The following CARMIL1 variants were observed in gnomAD, a reference collection of about 807,000 sequenced individuals.
CARMIL1 encodes F-actin-uncapping protein LRRC16A.
A neutral mutation model predicts 177.1 loss-of-function variants in CARMIL1; 90 were observed. That is an observed-to-expected ratio of 0.51 (90% CI 0.43 to 0.61). The LOEUF (loss-of-function observed/expected upper bound fraction) is 0.61, where lower values mean the gene tolerates loss of function less well. CARMIL1 is among the 20% of genes least tolerant of loss of function. The probability of loss-of-function intolerance (pLI) is 0.00; values close to 1 mark genes in which losing one functional copy is unlikely to be tolerated. For missense variants in CARMIL1, 1,380 were observed against 1,667.0 expected (o/e 0.83, Z 3.00); for synonymous variants, 577 against 606.2 (o/e 0.95, Z 0.71).
At chr6:25,380,491 A>G (rs557237566) in intron 2 of CARMIL1, among the ~76,000 whole-genome samples, 20 of 152,222 alleles carry the variant, frequency 1.3e-4, no homozygotes, top group Non-Finnish European at 2.6e-4. Flanking sequence ...CTTGCCGTCA[A>G]GGAAATAGAA....
chr6:25,451,986 G>GACCCCCCCCC, intron 8 of CARMIL1: 1 of 112,672 alleles, frequency 8.9e-6, no homozygotes, highest in Non-Finnish European at 1.7e-5. Flanking sequence ...CTAGCATCTT[G>GACCCCCCCCC]CCCCCCCCTC....
chr6:25,564,104 G>T (rs1811357939), intron 29 of CARMIL1, among the ~76,000 whole-genome samples: 1 of 152,124 alleles, frequency 6.6e-6, no homozygotes, highest in Admixed American at 6.5e-5. Context: ...TGTGTAAATT[G>T]GGGTGTGACA....
intron 2 of CARMIL1, among the ~76,000 whole-genome samples, chr6:25,397,304 G>C (rs1793502564): frequency 6.6e-6 from 1 of 152,196 alleles, no homozygotes; most frequent in African/African-American, 2.4e-5. Flanking sequence ...GCTGGTGTCT[G>C]CCAAGGGGGC....
At chr6:25,392,364 A>G (rs549725746) in intron 2 of CARMIL1, among the ~76,000 whole-genome samples, 3 of 152,308 alleles carry the variant, frequency 2.0e-5, no homozygotes, top group South Asian at 4.1e-4. Flanking sequence ...CTTTATATCA[A>G]GCAAAAATGT....
At chr6:25,507,163 G>A (rs1804994298) in intron 17 of CARMIL1, among the ~76,000 whole-genome samples, 1 of 152,162 alleles carries the variant, frequency 6.6e-6, no homozygotes, top group Non-Finnish European at 1.5e-5. Flanking sequence ...CATGCAGACA[G>A]CCTCTAATTA....
chr6:25,429,334 G>T (rs878924980), intron 4 of CARMIL1, among the ~76,000 whole-genome samples: 2 of 152,186 alleles, frequency 1.3e-5, no homozygotes, highest in African/African-American at 4.8e-5. Flanking sequence ...CTATCCAAAT[G>T]TGGTACACAT....
chr6:25,324,970 CA>C (rs976699345), intron 2 of CARMIL1, among the ~76,000 whole-genome samples: 2 of 151,598 alleles, frequency 1.3e-5, no homozygotes, highest in African/African-American at 4.8e-5. Flanking sequence ...GACCAGGGGC[CA>C]AGCCATGCAG....
chr6:25,350,251 C>T (rs1787981549), intron 2 of CARMIL1, among the ~76,000 whole-genome samples: 3 of 152,066 alleles, frequency 2.0e-5, no homozygotes, highest in Admixed American at 1.3e-4. Flanking sequence ...TGCTTGTGTC[C>T]CTCAAATACT....
chr6:25,449,783 T>C, intron 5 of CARMIL1, 115 bp from the exon 6 acceptor site: 1 of 585,610 alleles, frequency 1.7e-6, no homozygotes, highest in Middle Eastern at 4.8e-4. Context: ...GAAGAAAAAC[T>C]GAAATTGAAG....
Position 25,515,986 on chromosome 6 carries a change from G to A in CARMIL1, c.1805+139G>A. The stretch of plus-strand genomic sequence containing the variant: ...TGAGGAGAAGAGGTGACAATGTCAA[G>A]ATTTCTGTCAGAATAATGAGGAGGC... On this transcript the variant is annotated intron_variant, in intron 21 of 36. Coordinates refer to ENST00000329474, the MANE Select transcript of CARMIL1 (RefSeq NM_017640.6). The surrounding 1 kb of genome is among the most constrained non-coding windows in gnomAD (Gnocchi z 5.0). 1 of 819,432 alleles carries A rather than the reference G, an allele frequency of 1.2e-6. No individual in the cohort carries two copies. Among genetic ancestry groups the A allele is most frequent in the Non-Finnish European group, 1.8e-6 (1 of 542,132 alleles). 50.8% of individuals were successfully genotyped at this position (819,432 alleles called of 1,614,324 possible). A position where few individuals can be genotyped will look rare whatever the true frequency, so the allele number is the denominator to read the frequency against.
chr6:25,298,755 CTT>C (rs35932044), intron 2 of CARMIL1, among the ~76,000 whole-genome samples: 16 of 133,376 alleles, frequency 1.2e-4, no homozygotes, highest in Non-Finnish European at 1.4e-4. Context: ...GTTATGATTG[CTT>C]TTTTTTTTTT....
intron 2 of CARMIL1, among the ~76,000 whole-genome samples, chr6:25,294,643 T>C (rs1415944227): frequency 2.6e-5 from 4 of 152,224 alleles, no homozygotes; most frequent in Admixed American, 2.6e-4. Flanking sequence ...CTCCTATCCA[T>C]GAGTGCAGTT....
At chr6:25,601,732 C>G (rs3804117) in intron 33 of CARMIL1, among the ~76,000 whole-genome samples, 1 of 151,952 alleles carries the variant, frequency 6.6e-6, no homozygotes, top group Non-Finnish European at 1.5e-5. Context: ...GAGTTCCCCC[C>G]AAATCTGACT....
intron 2 of CARMIL1, among the ~76,000 whole-genome samples, chr6:25,369,379 G>GTTTTTTTTTTTTTTTTT (rs5875032): frequency 7.1e-6 from 1 of 140,850 alleles, no homozygotes; most frequent in Non-Finnish European, 1.5e-5. Context: ...GCTGTATTTT[G>GTTTTTTTTTTTTTTTTT]TTTTTTTTTT....
rs73732939 is a variant in CARMIL1 at position 25,326,520 on chromosome 6, G to A, written c.138+41611G>A. On this transcript the variant is annotated intron_variant, in intron 2 of 36. Transcript: ENST00000329474. The surrounding 1 kb of genome is among the most constrained non-coding windows in gnomAD (Gnocchi z 4.2). The stretch of plus-strand genomic sequence containing the variant: ...GAGGTCAGGCTTGGTCTAGGGCAGT[G>A]CTTCTCAATGTGTGGTCTCAGGATC... Among the ~76,000 whole-genome samples the A allele has an allele frequency of 5.8e-4, 88 of 152,328 alleles. No individual in the cohort carries two copies. The highest frequency in any genetic ancestry group is 2.1e-3 in the African/African-American group (87 of 41,572).
At chr6:25,566,405 C>CTTGT (rs1347776119) in intron 29 of CARMIL1, among the ~76,000 whole-genome samples, 1 of 152,178 alleles carries the variant, frequency 6.6e-6, no homozygotes, top group Non-Finnish European at 1.5e-5. Flanking sequence ...TTCCCTAGAA[C>CTTGT]TTGTCCAGGC....
At chr6:25,291,605 C>G (rs752156419) in intron 2 of CARMIL1, among the ~76,000 whole-genome samples, 1 of 152,160 alleles carries the variant, frequency 6.6e-6, no homozygotes, top group South Asian at 2.1e-4. Flanking sequence ...AAGGCAACAT[C>G]AGCCTTGGCC....
chr6:25,586,311 C>T (rs1324599999), intron 31 of CARMIL1, among the ~76,000 whole-genome samples: 1 of 149,718 alleles, frequency 6.7e-6, no homozygotes, highest in Admixed American at 6.6e-5. Flanking sequence ...CCTCAGTTCC[C>T]AGACGGGGTC....
intron 15 of CARMIL1, among the ~76,000 whole-genome samples, chr6:25,492,707 G>A (rs1803360424): frequency 6.6e-6 from 1 of 151,988 alleles, no homozygotes; most frequent in African/African-American, 2.4e-5. Flanking sequence ...AATAACATGG[G>A]TATTGGTTAA....
Sources: allele counts gnomAD v4.1 joint callset (sites outside exome capture counted in the v4.1 genomes callset), GRCh38; gene constraint gnomAD v4.1.1; non-coding constraint Gnocchi (gnomAD v3.1); transcripts MANE v1.5; gene names NCBI Gene and HGNC (gene_info 2026-07-23, HGNC 2026-07-21).